The following PP2D1 variants were observed in gnomAD, a reference collection of about 807,000 sequenced individuals.
PP2D1 encodes protein phosphatase 2C-like domain-containing protein 1.
PP2D1 carries 25 observed loss-of-function variants against 30.2 expected under a neutral mutation model. The ratio of observed to expected loss-of-function variants is 0.83; its 90% CI spans 0.60 to 1.16. PP2D1 has a LOEUF of 1.16. Among genes scored for constraint, PP2D1 ranks in the 50% most tolerant of loss-of-function variants. The probability of loss-of-function intolerance (pLI) is 0.00; values close to 1 mark genes in which losing one functional copy is unlikely to be tolerated. For synonymous variants in PP2D1, 260 were observed against 258.9 expected, an observed-to-expected ratio of 1.00 and a Z score of -0.04; for missense variants, 760 against 742.4, an observed-to-expected ratio of 1.02 and a Z score of -0.28.
At chr3:19,981,118 T>C (rs573679332), downstream of PP2D1, among the ~76,000 whole-genome samples, 3 of 152,330 alleles carry the variant, frequency 2.0e-5, no homozygotes, top group East Asian at 5.8e-4. Context: ...CTTAGTCATC[T>C]TTAATATTCT....
intron 2 of PP2D1, among the ~76,000 whole-genome samples, chr3:19,997,435 C>G (rs893880179): frequency 7.1e-6 from 1 of 141,686 alleles, no homozygotes; most frequent in African/African-American, 2.6e-5. Flanking sequence ...ATTTTTGTTC[C>G]CCCCAAACAT....
intron 2 of PP2D1, among the ~76,000 whole-genome samples, chr3:19,989,765 A>T (rs1315899917): frequency 6.6e-6 from 1 of 152,206 alleles, no homozygotes; most frequent in Non-Finnish European, 1.5e-5. Flanking sequence ...TAGCTCTGAA[A>T]ACGAAAGGGA....
chr3:20,010,420 T>A (rs1420111986), intron 1 of PP2D1, among the ~76,000 whole-genome samples: 1 of 152,098 alleles, frequency 6.6e-6, no homozygotes, highest in East Asian at 1.9e-4. Context: ...TCACAATTTT[T>A]GCTGGAGTAT....
rs773470917 is a variant in PP2D1, at chr3:20,001,618, T to C, written c.502A>G (p.Ile168Val). The C allele has an allele frequency of 2.8e-5, 43 of 1,536,304 alleles. No homozygotes were observed. Among genetic ancestry groups the C allele is most frequent in the Non-Finnish European group, 3.6e-5 (41 of 1,146,944 alleles). ...IYSQKICHLL[I>V]KGVGICEDRN... ...TCTTCACAAATGCCCACTCCTTTAA[T>C]TAACAGATGACATATTTTTTGAGAA... Residue 168 changes from isoleucine to valine, a missense_variant, in exon 2 of 3, where the codon ATT becomes GTT. Coordinates refer to ENST00000389050, the MANE Select transcript of PP2D1 (RefSeq NM_001252657.2).
rs1369436169 is a variant in PP2D1 at position 20,001,127 on chromosome 3, A to G, written c.993T>C (p.Asn331=). The G allele has an allele frequency of 2.6e-5, 38 of 1,434,732 alleles. No homozygotes were observed. The Admixed American group carries it at 6.8e-4, about 25-fold the overall frequency. 88.9% of individuals were successfully genotyped at this position (1,434,732 alleles called of 1,614,324 possible). A position where few individuals can be genotyped will look rare whatever the true frequency, so the allele number is the denominator to read the frequency against. Residue 331 remains asparagine, a synonymous_variant, in exon 2 of 3, where the codon AAT becomes AAC. Transcript: ENST00000389050. ...GKPKSPYAHK[N]WKRKNTHDGL... ...CATCATGGGTATTTTTTCTTTTCCAATTCTTATGAGCATAAGGACTTTTAG... is the reference window on the plus strand; with the variant it reads ...CATCATGGGTATTTTTTCTTTTCCAGTTCTTATGAGCATAAGGACTTTTAG...
chr3:19,988,546 C>T (rs1214304165), intron 2 of PP2D1, among the ~76,000 whole-genome samples: 4 of 152,186 alleles, frequency 2.6e-5, no homozygotes, highest in East Asian at 1.9e-4. Flanking sequence ...CCTGTGATCT[C>T]GTTCTGCCCC....
At chr3:20,003,955 G>A (rs954854375) in intron 1 of PP2D1, among the ~76,000 whole-genome samples, 1 of 152,102 alleles carries the variant, frequency 6.6e-6, no homozygotes, top group African/African-American at 2.4e-5. Flanking sequence ...GTTACTGTAA[G>A]CTAAGATCAA....
chr3:19,983,362 AAG>A (rs1491015021), downstream of PP2D1, among the ~76,000 whole-genome samples: 2 of 151,170 alleles, frequency 1.3e-5, no homozygotes, highest in Non-Finnish European at 3.0e-5. Flanking sequence ...AAAAAAAAAA[AAG>A]AAGTAATAAT....
intron 2 of PP2D1, among the ~76,000 whole-genome samples, chr3:19,988,685 T>C (rs1219430875): frequency 6.6e-6 from 1 of 152,156 alleles, no homozygotes; most frequent in East Asian, 1.9e-4. Flanking sequence ...TGAGGGGGCA[T>C]CACGGAACCT....
rs917445028 is a variant in PP2D1, at chr3:19,988,661, C to G, written c.1091-2479G>C. On this transcript the variant is annotated intron_variant, in intron 2 of 2. Coordinates refer to ENST00000389050, the MANE Select transcript of PP2D1 (RefSeq NM_001252657.2). ...TTTGAAAATCACTAATAAAAACTTGCTGGTTTTGTGGCTTGAGGGGGCATC... is the reference window on the plus strand; with the variant it reads ...TTTGAAAATCACTAATAAAAACTTGGTGGTTTTGTGGCTTGAGGGGGCATC... Among the ~76,000 whole-genome samples the G allele has an allele frequency of 2.0e-5, 3 of 152,126 alleles. No individual in the cohort carries two copies. In the South Asian group the frequency reaches 6.2e-4, roughly 32 times the overall value.
At chr3:19,980,711 A>G (rs769555845), downstream of PP2D1, among the ~76,000 whole-genome samples, 1 of 152,174 alleles carries the variant, frequency 6.6e-6, no homozygotes, top group Non-Finnish European at 1.5e-5. Flanking sequence ...CCCAGGTACC[A>G]GTGTTCAACA....
chr3:20,012,026 C>T, intron 1 of PP2D1, 24 bp downstream of exon 1: 1 of 1,515,538 alleles, frequency 6.6e-7, no homozygotes, highest in Non-Finnish European at 8.8e-7. Context: ...ACGTATTATC[C>T]AAAAAAGATT....
intron 2 of PP2D1, 89 bp downstream of exon 2, chr3:20,000,941 G>T (rs1697242130): frequency 6.3e-6 from 4 of 638,846 alleles, no homozygotes; most frequent in Admixed American, 7.7e-5. Flanking sequence ...CTAAATAATA[G>T]ACAATAAAAA....
Position 19,986,020 on chromosome 3 carries a change from C to T in PP2D1, c.1253G>A (p.Arg418Gln), listed in dbSNP as rs1339999470. The T allele has an allele frequency of 1.2e-5, 19 of 1,536,036 alleles. No individual in the cohort carries two copies. In the East Asian group the frequency reaches 3.4e-4, roughly 28 times the overall value. Residue 418 changes from arginine to glutamine, a missense_variant, in exon 3 of 3, where the codon CGA (arginine) becomes CAA (glutamine). Arg to Gln is a conservative substitution (Grantham distance 43, BLOSUM62 1). Around this residue, in one of 3 missense-constraint regions of PP2D1, gnomAD observed 369 missense variants for 316.2 expected, o/e 1.17. Coordinates refer to ENST00000389050, the MANE Select transcript of PP2D1 (RefSeq NM_001252657.2). ...GLVEGQVKTT[R>Q]GLGFHGNLKL... ...GAGATTTCCATGAAATCCAAGTCCT[C>T]GTGTAGTTTTTACTTGCCCCTCTAC... is the stretch of plus-strand genomic sequence containing the variant.
intron 2 of PP2D1, 71 bp downstream of exon 2, chr3:20,000,959 A>G (rs1575087153): frequency 1.2e-6 from 1 of 816,214 alleles, no homozygotes; most frequent in Non-Finnish European, 1.7e-6. Context: ...AAAATTGTGG[A>G]AGCATGAGGG....
intron 1 of PP2D1, among the ~76,000 whole-genome samples, chr3:20,006,992 CACACACACACACGTAT>C (rs567170938): frequency 0.067 from 6,408 of 95,050 alleles, 166 homozygotes; most frequent in Non-Finnish European, 0.1. Context: ...TATATGTATA[CACACACACACACGTAT>C]ACACACACAC....
At chr3:19,991,084 C>T (rs575984644) in intron 2 of PP2D1, among the ~76,000 whole-genome samples, 1 of 152,134 alleles carries the variant, frequency 6.6e-6, no homozygotes, top group Admixed American at 6.5e-5. Flanking sequence ...AGATTGCGCT[C>T]TTCAGAAAAT....
At chr3:19,994,573 G>A (rs1432542417) in intron 2 of PP2D1, among the ~76,000 whole-genome samples, 3 of 152,184 alleles carry the variant, frequency 2.0e-5, no homozygotes, top group Non-Finnish European at 1.5e-5. Flanking sequence ...ACACCAGGCA[G>A]GAGCAAATGC....
At chr3:19,993,770 C>T (rs1559497547) in intron 2 of PP2D1, among the ~76,000 whole-genome samples, 1 of 152,100 alleles carries the variant, frequency 6.6e-6, no homozygotes, top group Non-Finnish European at 1.5e-5. Flanking sequence ...GACGGAGTCT[C>T]GCTCTGTCGC....
Sources: gnomAD v4.1 joint callset for allele counts (sites outside exome capture counted in the v4.1 genomes callset) on GRCh38, gnomAD v4.1.1 for gene constraint, gnomAD v4.1.1 regional missense constraint, MANE v1.5 for transcripts, NCBI Gene and HGNC (gene_info 2026-07-23, HGNC 2026-07-21) for gene names.